Variants in RASAL2 observed in about 807,000 individuals in gnomAD.
RASAL2 encodes ras GTPase-activating protein nGAP.
RASAL2 carries 58 observed loss-of-function variants against 128.9 expected under a neutral mutation model. The ratio of observed to expected loss-of-function variants is 0.45; its 90% CI spans 0.36 to 0.56. The LOEUF (loss-of-function observed/expected upper bound fraction) is 0.56. Ranked by LOEUF, RASAL2 falls within the 20% of genes least tolerant of loss-of-function variation. The probability of loss-of-function intolerance (pLI) is 0.00; values close to 1 mark genes in which losing one functional copy is unlikely to be tolerated. For missense variants in RASAL2, 1,360 were observed against 1,601.6 expected (o/e 0.85, Z 2.57); for synonymous variants, 561 against 580.8 (o/e 0.97, Z 0.49).
chr1:178,459,620 A>G (rs1248545236), intron 14 of RASAL2, among the ~76,000 whole-genome samples: 2 of 152,174 alleles, frequency 1.3e-5, no homozygotes, highest in South Asian at 4.1e-4. Flanking sequence ...CCAGTCTGCT[A>G]TGATCAGAGC....
Position 178,451,686 on chromosome 1 carries a change from G to A in RASAL2, c.1743G>A (p.Leu581=). The A allele has an allele frequency of 1.9e-6, 3 of 1,613,618 alleles. No homozygotes were observed. The highest frequency in any genetic ancestry group is 2.5e-6 in the Non-Finnish European group (3 of 1,179,716). The change falls in exon 10 of 18, where the codon CTG becomes CTA. Residue 581 remains leucine (L), a synonymous_variant. Transcript: ENST00000367649. ...HQSNLKMCCE[L]AFCKIINSYC... is the part of the protein sequence containing the mutation. ...GCAACCTGAAAATGTGCTGTGAGCT[G>A]GCTTTCTGCAAGATCATCAACTCTT... is the stretch of plus-strand genomic sequence containing the variant.
At chr1:178,145,814 A>G (rs1321075349) in intron 1 of RASAL2, among the ~76,000 whole-genome samples, 1 of 152,168 alleles carries the variant, frequency 6.6e-6, no homozygotes, top group East Asian at 1.9e-4. Context: ...GAGGAAGTGG[A>G]TCAATGACTC....
intron 9 of RASAL2, among the ~76,000 whole-genome samples, chr1:178,447,561 C>T (rs1280596530): frequency 6.7e-6 from 1 of 149,540 alleles, no homozygotes; most frequent in African/African-American, 2.5e-5. Context: ...GTAATCCCAG[C>T]TAAGGAGGCT....
chr1:178,464,568 G>A (rs1647444921), intron 15 of RASAL2, among the ~76,000 whole-genome samples, 156 bp downstream of exon 15: 1 of 57,216 alleles, frequency 1.7e-5, no homozygotes, highest in East Asian at 2.9e-4. Context: ...TAGGTCAGTG[G>A]TGTGTGTGTG....
chr1:178,112,033 T>A (rs566253889), intron 1 of RASAL2, among the ~76,000 whole-genome samples: 1 of 152,298 alleles, frequency 6.6e-6, no homozygotes, highest in East Asian at 1.9e-4. Flanking sequence ...CTGGCCTCTT[T>A]TGTCAATTTT....
chr1:178,210,351 T>C (rs984816054), intron 1 of RASAL2, among the ~76,000 whole-genome samples: 55 of 152,358 alleles, frequency 3.6e-4, no homozygotes, highest in African/African-American at 1.3e-3. Flanking sequence ...AATGTTTCTG[T>C]TAATATATTT....
At chr1:178,208,106 T>C (rs958351777) in intron 1 of RASAL2, among the ~76,000 whole-genome samples, 3 of 152,232 alleles carry the variant, frequency 2.0e-5, no homozygotes, top group South Asian at 4.1e-4. Flanking sequence ...TTGTGTTAAC[T>C]GTACAAATCG....
chr1:178,369,103 C>G (rs1671563477), intron 3 of RASAL2, among the ~76,000 whole-genome samples: 1 of 152,044 alleles, frequency 6.6e-6, no homozygotes, highest in African/African-American at 2.4e-5. Context: ...CAGTGTAATG[C>G]CTTATACATC....
chr1:178,238,823 ATTGTCAT>A (rs1328249099), intron 1 of RASAL2, among the ~76,000 whole-genome samples: 1 of 151,930 alleles, frequency 6.6e-6, no homozygotes, highest in Non-Finnish European at 1.5e-5. Flanking sequence ...TTCCAGGATG[ATTGTCAT>A]CCTGGAATGA....
At chr1:178,260,350 C>CAAAAA (rs1243797175) in intron 1 of RASAL2, among the ~76,000 whole-genome samples, 1 of 436 alleles carries the variant, frequency 2.3e-3, no homozygotes, top group Non-Finnish European at 7.6e-3. Flanking sequence ...AGACTCGTCT[C>CAAAAA]AAAAAAAAAA....
At chr1:178,243,267 C>T (rs1457497223) in intron 1 of RASAL2, among the ~76,000 whole-genome samples, 1 of 152,182 alleles carries the variant, frequency 6.6e-6, no homozygotes, top group Non-Finnish European at 1.5e-5. Flanking sequence ...CCGATCCCTG[C>T]TGGTGCTGCC....
chr1:178,283,373 C>T (rs1043647946), intron 1 of RASAL2, among the ~76,000 whole-genome samples, 191 bp from the exon 2 acceptor site: 1 of 152,076 alleles, frequency 6.6e-6, no homozygotes, highest in Non-Finnish European at 1.5e-5. Flanking sequence ...CTCTGAAGGT[C>T]ATAGGGCTAT....
chr1:178,447,545 G>A (rs924491691), intron 9 of RASAL2, among the ~76,000 whole-genome samples: 37 of 151,250 alleles, frequency 2.4e-4, no homozygotes, highest in Non-Finnish European at 3.7e-4. Flanking sequence ...ATGGTGGCGG[G>A]CACCTGTAAT....
chr1:178,430,119 C>A lies in RASAL2; in HGVS notation c.675-9303C>A, dbSNP rs75709672. ...GCACAATGACTGTCCTATTGAGGAA[C>A]TCAATACACATTTGTTGGCCTGAAA... On this transcript the variant is annotated intron_variant, in intron 5 of 17. Coordinates refer to ENST00000367649, the MANE Select transcript of RASAL2 (RefSeq NM_170692.4). 3.3e-3 allele frequency among the ~76,000 whole-genome samples: 499 copies of A among 152,204 alleles called. 8 individuals carry two copies. The highest frequency in any genetic ancestry group is 0.012 in the African/African-American group (483 of 41,546).
At chr1:178,114,130 T>G (rs965860397) in intron 1 of RASAL2, among the ~76,000 whole-genome samples, 5 of 152,258 alleles carry the variant, frequency 3.3e-5, no homozygotes, top group African/African-American at 1.2e-4. Context: ...TCATATTGTC[T>G]GCAAATAAAG....
chr1:178,186,395 T>A (rs181731665), intron 1 of RASAL2, among the ~76,000 whole-genome samples: 1 of 151,358 alleles, frequency 6.6e-6, no homozygotes, highest in Admixed American at 6.6e-5. Flanking sequence ...TACTCTGTTA[T>A]TTTTTTTACT....
intron 3 of RASAL2, among the ~76,000 whole-genome samples, chr1:178,376,882 C>T (rs1356149876): frequency 6.6e-6 from 1 of 152,104 alleles, no homozygotes; most frequent in African/African-American, 2.4e-5. Context: ...ATTATTCTGT[C>T]AGATCCAGCT....
intron 3 of RASAL2, among the ~76,000 whole-genome samples, chr1:178,334,035 A>G (rs1669468517): frequency 1.3e-5 from 2 of 152,172 alleles, no homozygotes; most frequent in Admixed American, 1.3e-4. Flanking sequence ...TTGTGGGATC[A>G]TTGTTTTGGA....
chr1:178,257,670 C>A (rs1665436356), intron 1 of RASAL2, among the ~76,000 whole-genome samples: 1 of 151,802 alleles, frequency 6.6e-6, no homozygotes. Flanking sequence ...CATGGCAAAA[C>A]CCCACCTCTA....
Sources: allele counts gnomAD v4.1 joint callset (sites outside exome capture counted in the v4.1 genomes callset), GRCh38; gene constraint gnomAD v4.1.1; transcripts MANE v1.5; gene names NCBI Gene and HGNC (gene_info 2026-07-23, HGNC 2026-07-21).